The following HIVEP1 variants were observed in gnomAD, a reference collection of about 807,000 sequenced individuals.
The protein encoded by HIVEP1 is HIVEP zinc finger 1.
In HIVEP1, 36 loss-of-function variants were observed where a neutral mutation model predicts 180.0. The ratio of observed to expected loss-of-function variants is 0.20; its 90% CI spans 0.15 to 0.26. The LOEUF is 0.26. Ranked by LOEUF, HIVEP1 falls within the 10% of genes least tolerant of loss-of-function variation. The pLI is 1.00. For missense variants in HIVEP1, 3,143 were observed against 3,268.7 expected, an observed-to-expected ratio of 0.96 and a Z score of 0.94; for synonymous variants, 1,239 against 1,239.0, an observed-to-expected ratio of 1.00 and a Z score of 0.00.
chr6:12,115,567 C>CA (rs1775163674), intron 3 of HIVEP1, among the ~76,000 whole-genome samples: 1 of 151,878 alleles, frequency 6.6e-6, no homozygotes, highest in Non-Finnish European at 1.5e-5. Context: ...GTTGATACCT[C>CA]AGAGTTTCTG....
intron 2 of HIVEP1, among the ~76,000 whole-genome samples, chr6:12,081,020 T>C (rs1234810207): frequency 6.6e-6 from 1 of 152,142 alleles, no homozygotes; most frequent in Non-Finnish European, 1.5e-5. Context: ...TATTCAGCCA[T>C]CTGCTCTTGG....
At chr6:12,098,142 T>C (rs917412318) in intron 3 of HIVEP1, among the ~76,000 whole-genome samples, 1 of 152,206 alleles carries the variant, frequency 6.6e-6, no homozygotes, top group African/African-American at 2.4e-5. Context: ...GACACAGTGC[T>C]CTTATAATTG....
chr6:12,135,853 T>G lies in HIVEP1; in HGVS notation c.6448T>G (p.Ser2150Ala), dbSNP rs368971257. 18 of 1,611,926 alleles carry G rather than the reference T, an allele frequency of 1.1e-5. No individual in the cohort carries two copies. The highest frequency in any genetic ancestry group is 1.0e-4 in the Admixed American group (6 of 59,998). Residue 2150 changes from serine (S) to alanine (A), a missense_variant, in exon 7 of 9, where the codon TCA becomes GCA. By Grantham distance (99) the Ser-to-Ala change is moderately conservative. Transcript: ENST00000379388. The stretch of plus-strand genomic sequence containing the variant: ...CAAGAAATGTGTGGATTTAGGCGTC[T>G]CAGTAGGTTTAATAGATGAACAGGA... ...HSKKCVDLGV[S>A]VGLIDEQDTE...
At chr6:12,175,177 G>A in the HIVEP1 span, among the ~76,000 whole-genome samples, 2 of 151,962 alleles carry the variant, frequency 1.3e-5, no homozygotes, top group East Asian at 3.8e-4. Flanking sequence ...ATAATTAATT[G>A]GTATCTAATG....
At chr6:12,078,758 G>C (rs1034137878) in intron 2 of HIVEP1, among the ~76,000 whole-genome samples, 1 of 125,168 alleles carries the variant, frequency 8.0e-6, no homozygotes, top group East Asian at 1.9e-4. Flanking sequence ...AGGGGAAAAT[G>C]GATGTAATTA....
the HIVEP1 span, among the ~76,000 whole-genome samples, chr6:12,199,853 G>C: frequency 6.6e-6 from 1 of 152,150 alleles, no homozygotes; most frequent in East Asian, 1.9e-4. Flanking sequence ...CTAAATCAGG[G>C]TTGTGCTGGT....
chr6:12,021,625 C>A (rs1458974202), intron 2 of HIVEP1, among the ~76,000 whole-genome samples: 1 of 152,130 alleles, frequency 6.6e-6, no homozygotes, highest in East Asian at 1.9e-4. Flanking sequence ...TAGAAGAGAC[C>A]ATTTTGGTCA....
rs745660869 is a variant in HIVEP1, at chr6:12,015,687, T to C, written c.40+19T>C. ...CTAAGAGGTAAAGCATTGCATTAAG[T>C]AGAAGTAAGGCTTGCTGTAAATCTT... On this transcript the variant is annotated intron_variant, in intron 2 of 8. Coordinates refer to ENST00000379388, the MANE Select transcript of HIVEP1 (RefSeq NM_002114.4). 52 of 1,606,820 alleles carry C rather than the reference T, an allele frequency of 3.2e-5. No individual in the cohort carries two copies. Among genetic ancestry groups the C allele is most frequent in the Non-Finnish European group, 4.3e-5 (50 of 1,174,750 alleles).
chr6:12,123,919 A>G lies in HIVEP1; in HGVS notation c.4124A>G (p.Gln1375Arg). ...GCATCAGAACAGATTAATTGCACGCAAACGTCAATGGAGGTCTCTGATCTC... is the reference window on the plus strand; with the variant it reads ...GCATCAGAACAGATTAATTGCACGCGAACGTCAATGGAGGTCTCTGATCTC... ...RTASEQINCT[Q>R]TSMEVSDLRS... Residue 1375 changes from glutamine (Q) to arginine (R), a missense_variant, in exon 4 of 9, where the codon CAA becomes CGA. Physicochemically the swap from Gln to Arg is conservative, Grantham distance 43. This residue lies in a region of HIVEP1 where 1,357 missense variants were observed against 1,260.5 expected (regional missense o/e 1.08). Transcript: ENST00000379388. The G allele has an allele frequency of 1.9e-6, 3 of 1,614,200 alleles. No homozygotes were observed. The highest frequency in any genetic ancestry group is 2.5e-6 in the Non-Finnish European group (3 of 1,180,014).
chr6:12,185,259 C>T, the HIVEP1 span, among the ~76,000 whole-genome samples: 1 of 152,234 alleles, frequency 6.6e-6, no homozygotes, highest in South Asian at 2.1e-4. Flanking sequence ...AGATTGACAG[C>T]AGTGGTCTTG....
chr6:12,130,220 A>G (rs1758342303), intron 5 of HIVEP1, among the ~76,000 whole-genome samples: 1 of 152,242 alleles, frequency 6.6e-6, no homozygotes, highest in African/African-American at 2.4e-5. Context: ...TGCCCATTAG[A>G]TATCTTTGTG....
chr6:12,161,687 A>T lies in HIVEP1; in HGVS notation c.6736A>T (p.Met2246Leu). Residue 2246 changes from methionine (M) to leucine (L), a missense_variant, in exon 8 of 9, where the codon ATG becomes TTG. This residue lies in a region of HIVEP1 where 595 missense variants were observed against 602.2 expected (regional missense o/e 0.99). Coordinates refer to ENST00000379388, the MANE Select transcript of HIVEP1 (RefSeq NM_002114.4). ...CTTTTCTGGGGTACACACGGACCCAATGGACGTTCTGCCCAGGGCGCTGCT... is the reference window on the plus strand; with the variant it reads ...CTTTTCTGGGGTACACACGGACCCATTGGACGTTCTGCCCAGGGCGCTGCT... ...DCFSGVHTDP[M>L]DVLPRALLTR... 6.2e-7 allele frequency: 1 copy of T among 1,614,170 alleles called. No homozygotes were observed. Among genetic ancestry groups the T allele is most frequent in the South Asian group, 1.1e-5 (1 of 91,086 alleles).
chr6:12,134,262 A>G (rs985027383), intron 6 of HIVEP1, among the ~76,000 whole-genome samples: 1 of 152,170 alleles, frequency 6.6e-6, no homozygotes, highest in African/African-American at 2.4e-5. Flanking sequence ...AATATCAGAG[A>G]TAGCCAAGTG....
chr6:12,199,382 A>ATTTTTTTTTTTT, the HIVEP1 span, among the ~76,000 whole-genome samples: 1 of 53,542 alleles, frequency 1.9e-5, no homozygotes, highest in Non-Finnish European at 3.6e-5. Context: ...TTTTTTTGAG[A>ATTTTTTTTTTTT]TGTTGTTTTG....
intron 2 of HIVEP1, among the ~76,000 whole-genome samples, chr6:12,077,412 A>C (rs4552724): frequency 0.98 from 149,566 of 152,280 alleles, 73,517 homozygotes; most frequent in Middle Eastern, 1. Flanking sequence ...TGGGTGCTCT[A>C]GTGCCATGGG....
chr6:12,119,156 G>A (rs1775409870), intron 3 of HIVEP1, among the ~76,000 whole-genome samples: 1 of 152,206 alleles, frequency 6.6e-6, no homozygotes, highest in Non-Finnish European at 1.5e-5. Context: ...GCTCAATTCT[G>A]TCTTCCCTTA....
rs367791666 is a variant in HIVEP1 at position 12,030,036 on chromosome 6, C to A, written c.40+14368C>A. On this transcript the variant is annotated intron_variant, in intron 2 of 8. Coordinates refer to ENST00000379388, the MANE Select transcript of HIVEP1 (RefSeq NM_002114.4). ...TTATGGAATGTCTTTATTTTTCCTT[C>A]CGTTTTGAAGCATAATTTTCTGGAT... Among the ~76,000 whole-genome samples the A allele has an allele frequency of 6.8e-4, 104 of 152,186 alleles. 1 individual carries two copies. The highest frequency in any genetic ancestry group is 2.3e-3 in the African/African-American group (95 of 41,526).
chr6:12,072,699 A>T (rs1772061041), intron 2 of HIVEP1, among the ~76,000 whole-genome samples: 1 of 152,078 alleles, frequency 6.6e-6, no homozygotes, highest in Admixed American at 6.6e-5. Context: ...ACTTGTCTTC[A>T]AGTTCGTGAC....
downstream of HIVEP1, among the ~76,000 whole-genome samples, chr6:12,168,335 T>TA (rs1562025010): frequency 5.5e-5 from 2 of 36,484 alleles, no homozygotes; most frequent in African/African-American, 1.9e-4. Context: ...TATTATATAA[T>TA]TATATATACA....
Sources: allele counts gnomAD v4.1 joint callset (sites outside exome capture counted in the v4.1 genomes callset), GRCh38; gene constraint gnomAD v4.1.1; regional missense constraint gnomAD v4.1.1; transcripts MANE v1.5; gene names NCBI Gene and HGNC (gene_info 2026-07-23, HGNC 2026-07-21).